Variants in GIT2 observed in about 807,000 individuals in gnomAD.
GIT2 encodes ARF GTPase-activating protein GIT2.
GIT2 carries 32 observed loss-of-function variants against 100.3 expected under a neutral mutation model. The ratio of observed to expected loss-of-function variants is 0.32; its 90% CI spans 0.24 to 0.43. The LOEUF (loss-of-function observed/expected upper bound fraction) is 0.43. Among genes scored for constraint, GIT2 ranks in the 20% least tolerant of loss-of-function variants. The probability of loss-of-function intolerance (pLI) is 1.00; values close to 1 mark genes in which losing one functional copy is unlikely to be tolerated. For missense variants in GIT2, 737 were observed against 975.1 expected (o/e 0.76, Z 3.25); for synonymous variants, 353 against 364.1 (o/e 0.97, Z 0.35).
chr12:109,997,930 T>A (rs1299178604), upstream of GIT2: 1 of 152,214 alleles, frequency 6.6e-6, no homozygotes, highest in African/African-American at 2.4e-5. Context: ...CTGTCTTACA[T>A]ATAAACACAG....
chr12:109,996,119 T>A, intron 1 of GIT2, 54 bp downstream of exon 1: 1 of 1,171,180 alleles, frequency 8.5e-7, no homozygotes, highest in Non-Finnish European at 1.2e-6. Context: ...GGCCCCGGGG[T>A]AGGGGTCCGG....
intron 8 of GIT2, among the ~76,000 whole-genome samples, chr12:109,966,400 T>C (rs899283136): frequency 1.3e-5 from 2 of 148,322 alleles, no homozygotes; most frequent in Non-Finnish European, 3.0e-5. Context: ...TCCCAGCAAC[T>C]CGGGAGGCGG....
At chr12:109,940,906 A>C (rs539223524) in intron 16 of GIT2, among the ~76,000 whole-genome samples, 22 of 148,106 alleles carry the variant, frequency 1.5e-4, no homozygotes, top group Middle Eastern at 3.4e-3. Flanking sequence ...AAAACAAAAC[A>C]AAACCAAAAA....
chr12:109,929,888 G>C lies in GIT2; in HGVS notation c.*3090C>G, dbSNP rs1477836942. On this transcript the variant is annotated 3_prime_UTR_variant, in exon 20 of 20. Transcript: ENST00000355312. Reference sequence around the variant, plus strand: ...ACACTTAAAGGGCACAATAATTACAGGAATAGAATGTACAATAAAAAGTAC... The same window carrying C: ...ACACTTAAAGGGCACAATAATTACACGAATAGAATGTACAATAAAAAGTAC... 1 of 152,550 alleles carries C rather than the reference G, an allele frequency of 6.6e-6. No homozygotes were observed. The highest frequency in any genetic ancestry group is 2.4e-5 in the African/African-American group (1 of 41,414). 9.4% of individuals were successfully genotyped at this position (152,550 alleles called of 1,614,324 possible). A position where few individuals can be genotyped will look rare whatever the true frequency, so the allele number is the denominator to read the frequency against.
At chr12:109,946,260 A>C (rs1290144564) in intron 15 of GIT2, among the ~76,000 whole-genome samples, 1 of 152,250 alleles carries the variant, frequency 6.6e-6, no homozygotes, top group Non-Finnish European at 1.5e-5. Flanking sequence ...TCCCAATTAT[A>C]GTAAAACAAT....
chr12:109,973,989 C>G (rs969479721), intron 7 of GIT2, among the ~76,000 whole-genome samples: 4 of 151,984 alleles, frequency 2.6e-5, no homozygotes, highest in African/African-American at 9.7e-5. Context: ...TTGCAGTGAG[C>G]CAAGATCACA....
In GIT2 at chr12:109,946,533, A is replaced by G. The variant is rs571910738; in HGVS notation, c.1641+723T>C. On this transcript the variant is annotated intron_variant, in intron 15 of 19. Transcript: ENST00000355312. Reference sequence around the variant, plus strand: ...CAGAAGAAATATATTTGAAAACCTTATAACACAGTATGTATCCCAATGCAA... The same window carrying G: ...CAGAAGAAATATATTTGAAAACCTTGTAACACAGTATGTATCCCAATGCAA... 5.2e-5 allele frequency among the ~76,000 whole-genome samples: 8 copies of G among 152,382 alleles called. No homozygotes were observed. In the South Asian group the frequency reaches 8.3e-4, roughly 16 times the overall value.
chr12:109,937,760 T>G (rs930064134), intron 18 of GIT2, among the ~76,000 whole-genome samples: 7 of 152,192 alleles, frequency 4.6e-5, no homozygotes, highest in African/African-American at 1.7e-4. Flanking sequence ...TGGAGTGCAG[T>G]GGCATGATCT....
At chr12:109,939,298 C>T (rs1353597430) in intron 16 of GIT2, 51 bp from the exon 17 acceptor site, 18 of 1,011,106 alleles carry the variant, frequency 1.8e-5, no homozygotes, top group Non-Finnish European at 2.8e-5. Context: ...AGACTCTTCT[C>T]AGGAGTCTTC....
chr12:109,977,606 G>A (rs531656118), intron 7 of GIT2, among the ~76,000 whole-genome samples: 144 of 152,212 alleles, frequency 9.5e-4, no homozygotes, highest in African/African-American at 3.3e-3. Context: ...GGCGGATCAC[G>A]AGGTCGGGAG....
At chr12:109,988,885 CT>C (rs1189265902) in intron 4 of GIT2, 77 bp downstream of exon 4, 24 of 483,302 alleles carry the variant, frequency 5.0e-5, no homozygotes, top group South Asian at 1.2e-4. Context: ...CACAACCAGA[CT>C]TTTTTTTCGT....
intron 9 of GIT2, 47 bp downstream of exon 9, chr12:109,965,479 T>G (rs774732473): frequency 3.8e-6 from 4 of 1,040,240 alleles, no homozygotes; most frequent in Non-Finnish European, 5.9e-6. Context: ...ATCAGCAGGG[T>G]GCACTGATTC....
At chr12:109,957,343 G>A (rs1464471242) in intron 12 of GIT2, among the ~76,000 whole-genome samples, 1 of 152,136 alleles carries the variant, frequency 6.6e-6, no homozygotes, top group Non-Finnish European at 1.5e-5. Context: ...TTCCATGAGT[G>A]GAAGCAGCCT....
At chr12:109,975,505 C>G (rs1169867744) in intron 7 of GIT2, among the ~76,000 whole-genome samples, 1 of 152,156 alleles carries the variant, frequency 6.6e-6, no homozygotes, top group Non-Finnish European at 1.5e-5. Context: ...TGAGCCATAG[C>G]TCCCAGCCCC....
chr12:109,949,150 G>GCAAAGCAGCTGA, intron 14 of GIT2: 1 of 373,620 alleles, frequency 2.7e-6, no homozygotes, highest in East Asian at 4.9e-5. Flanking sequence ...AAGAACAGCT[G>GCAAAGCAGCTGA]CAAAGCAGCT....
chr12:109,993,963 C>T (rs1265520263), intron 1 of GIT2, among the ~76,000 whole-genome samples: 3 of 151,038 alleles, frequency 2.0e-5, no homozygotes, highest in Admixed American at 6.6e-5. Flanking sequence ...ATAACTCTGT[C>T]GCTATTACTG....
At chr12:109,951,404 C>T (rs940216629) in intron 13 of GIT2, 88 bp from the exon 14 acceptor site, 15 of 1,119,528 alleles carry the variant, frequency 1.3e-5, no homozygotes, top group East Asian at 2.4e-5. Context: ...TCTGACCAAG[C>T]CAGCTGAATT....
intron 18 of GIT2, among the ~76,000 whole-genome samples, chr12:109,936,332 GA>G (rs61638088): frequency 3.6e-4 from 52 of 144,478 alleles, no homozygotes; most frequent in Non-Finnish European, 1.1e-4. Flanking sequence ...AACAAAGAAA[GA>G]AAAAAAAAAG....
At chr12:109,997,613 C>A (rs535086973), upstream of GIT2, 2 of 152,002 alleles carry the variant, frequency 1.3e-5, no homozygotes, top group South Asian at 2.1e-4. Context: ...GAAGAATATG[C>A]GACAAAACTT....
Sources: gnomAD v4.1 joint callset for allele counts (sites outside exome capture counted in the v4.1 genomes callset) on GRCh38, gnomAD v4.1.1 for gene constraint, MANE v1.5 for transcripts, NCBI Gene and HGNC (gene_info 2026-07-23, HGNC 2026-07-21) for gene names.